KLHL3: variants seen among roughly 807,000 people sequenced by gnomAD.
KLHL3 encodes kelch-like protein 3.
KLHL3 carries 19 observed loss-of-function variants against 70.5 expected under a neutral mutation model. That is an observed-to-expected ratio of 0.27 (90% CI 0.19 to 0.40). The LOEUF is 0.40. Among genes scored for constraint, KLHL3 ranks in the 10% least tolerant of loss-of-function variants. KLHL3 has a pLI of 1.00. For missense variants in KLHL3, 512 were observed against 771.1 expected (o/e 0.66, Z 3.98); for synonymous variants, 258 against 290.3 (o/e 0.89, Z 1.13).
chr5:137,700,197 T>C (rs1342124290), intron 3 of KLHL3, among the ~76,000 whole-genome samples: 2 of 152,350 alleles, frequency 1.3e-5, no homozygotes, highest in Non-Finnish European at 2.9e-5. Context: ...ATCTCTCTCT[T>C]GAGTTTATTG....
intron 8 of KLHL3, among the ~76,000 whole-genome samples, chr5:137,646,163 G>A (rs146956472): frequency 8.4e-4 from 128 of 152,094 alleles, no homozygotes; most frequent in African/African-American, 2.9e-3. Flanking sequence ...ATATATGAAT[G>A]ACCAACAAGT....
chr5:137,713,715 G>C (rs1468872905), intron 2 of KLHL3, among the ~76,000 whole-genome samples: 1 of 152,120 alleles, frequency 6.6e-6, no homozygotes, highest in Non-Finnish European at 1.5e-5. Flanking sequence ...GTGCTTCAAA[G>C]GATGCCATCA....
intron 11 of KLHL3, 116 bp from the exon 12 acceptor site, chr5:137,634,281 T>C: frequency 8.5e-7 from 1 of 1,180,818 alleles, no homozygotes; most frequent in African/African-American, 1.5e-5. Flanking sequence ...TTCTGTTCCC[T>C]CTTTCTCCAG....
rs572105963 is a variant in KLHL3, at chr5:137,641,395, T to A, written c.904-1418A>T. 5.9e-5 allele frequency among the ~76,000 whole-genome samples: 9 copies of A among 152,346 alleles called. No homozygotes were observed. In the East Asian group the frequency reaches 1.7e-3, roughly 29 times the overall value. Reference sequence around the variant, plus strand: ...TGGATCTGGAGTGGAGCCCAGAGGCTGCCTTTCTAACAAGTTCCCAGGTGC... The same window carrying A: ...TGGATCTGGAGTGGAGCCCAGAGGCAGCCTTTCTAACAAGTTCCCAGGTGC... On this transcript the variant is annotated intron_variant, in intron 8 of 14. Transcript: ENST00000309755.
Position 137,714,405 on chromosome 5 carries a change from A to G in KLHL3, c.135-4549T>C, listed in dbSNP as rs144803777. Among the ~76,000 whole-genome samples the G allele has an allele frequency of 6.2e-3, 946 of 152,334 alleles. 7 individuals are homozygous for G. The highest frequency in any genetic ancestry group is 0.02 in the Middle Eastern group (6 of 294). ...GAATGTTCATAGCAACATTATTTAT[A>G]ATAGCCAGAAGTCAAATGTGGTATA... On this transcript the variant is annotated intron_variant, in intron 2 of 14. Coordinates refer to ENST00000309755, the MANE Select transcript of KLHL3 (RefSeq NM_017415.3).
intron 3 of KLHL3, chr5:137,707,507 T>C (rs948894319): frequency 6.5e-6 from 1 of 153,414 alleles, no homozygotes; most frequent in Non-Finnish European, 1.5e-5. Context: ...ATGTATACAT[T>C]TATAAATATA....
chr5:137,637,245 GGCCCGTGGGCC>G, intron 11 of KLHL3, 38 bp downstream of exon 11: 1 of 1,490,504 alleles, frequency 6.7e-7, no homozygotes, highest in Non-Finnish European at 9.4e-7. Flanking sequence ...CCCAGGACAA[GGCCCGTGGGCC>G]AGGTAGGCCT....
chr5:137,625,606 T>C (rs1221966028), intron 14 of KLHL3, 147 bp downstream of exon 14: 6 of 764,882 alleles, frequency 7.8e-6, no homozygotes, highest in Non-Finnish European at 1.3e-5. Flanking sequence ...GTGGTGGCCA[T>C]GTAACAATTA....
At chr5:137,653,465 A>G (rs1210235344) in intron 8 of KLHL3, among the ~76,000 whole-genome samples, 1 of 152,344 alleles carries the variant, frequency 6.6e-6, no homozygotes, top group East Asian at 1.9e-4. Flanking sequence ...ACACTTCACC[A>G]AAGAAGAAAT....
intron 8 of KLHL3, among the ~76,000 whole-genome samples, chr5:137,651,516 A>T (rs1324924100): frequency 6.6e-6 from 1 of 152,254 alleles, no homozygotes; most frequent in Non-Finnish European, 1.5e-5. Context: ...AACAAAAGAC[A>T]TGTAAGACCC....
chr5:137,717,145 C>A (rs1337942189), intron 2 of KLHL3, among the ~76,000 whole-genome samples: 1 of 152,166 alleles, frequency 6.6e-6, no homozygotes, highest in Non-Finnish European at 1.5e-5. Flanking sequence ...TTGGTGAGAC[C>A]CCTATGGCCA....
chr5:137,630,297 A>G (rs2149879256), intron 12 of KLHL3, among the ~76,000 whole-genome samples: 1 of 152,256 alleles, frequency 6.6e-6, no homozygotes, highest in African/African-American at 2.4e-5. Flanking sequence ...TAGAGGTGTC[A>G]CCCTCCAGGT....
chr5:137,637,464 G>A, intron 10 of KLHL3, 69 bp from the exon 11 acceptor site: 1 of 1,358,554 alleles, frequency 7.4e-7, no homozygotes, highest in Non-Finnish European at 1.0e-6. Context: ...GAAGCAGTGA[G>A]GATGGGGGAG....
intron 2 of KLHL3, among the ~76,000 whole-genome samples, chr5:137,712,828 C>T (rs1752820075): frequency 6.6e-6 from 1 of 152,098 alleles, no homozygotes; most frequent in Non-Finnish European, 1.5e-5. Flanking sequence ...TACACAACGT[C>T]CCCAGAGTGT....
intron 2 of KLHL3, 70 bp downstream of exon 2, chr5:137,720,395 G>T: frequency 6.3e-7 from 1 of 1,589,036 alleles, no homozygotes; most frequent in Non-Finnish European, 8.6e-7. Context: ...TCTGACTTCT[G>T]TTCTCAGTCC....
chr5:137,622,137 A>T lies in KLHL3; in HGVS notation c.1736-11T>A. 1 of 1,614,194 alleles carries T rather than the reference A, an allele frequency of 6.2e-7. No homozygotes were observed. The highest frequency in any genetic ancestry group is 8.5e-7 in the Non-Finnish European group (1 of 1,180,004). On this transcript the variant is annotated splice_polypyrimidine_tract_variant and intron_variant, in intron 14 of 14. Transcript: ENST00000309755. ...GAATCACGGCAACACCTAATAAGAA[A>T]GGGGGAGAAAGTTATCATCTTAGCT... is the stretch of plus-strand genomic sequence containing the variant.
chr5:137,730,618 T>A (rs1482145998), intron 1 of KLHL3, among the ~76,000 whole-genome samples: 1 of 152,148 alleles, frequency 6.6e-6, no homozygotes, highest in Non-Finnish European at 1.5e-5. Flanking sequence ...TCTTTAAAAC[T>A]CAAGGGGAAA....
At chr5:137,648,494 C>T (rs776554677) in intron 8 of KLHL3, among the ~76,000 whole-genome samples, 1 of 152,216 alleles carries the variant, frequency 6.6e-6, no homozygotes, top group Non-Finnish European at 1.5e-5. Context: ...TTCCTTGCTG[C>T]CATCTGTGGA....
intron 8 of KLHL3, chr5:137,647,455 T>G (rs190522033): frequency 2.2e-6 from 1 of 459,876 alleles, no homozygotes; most frequent in Admixed American, 2.4e-5. Context: ...CATAGGTCAT[T>G]CAAATTTCTA....
Sources: allele counts gnomAD v4.1 joint callset (sites outside exome capture counted in the v4.1 genomes callset), GRCh38; gene constraint gnomAD v4.1.1; transcripts MANE v1.5; gene names NCBI Gene and HGNC (gene_info 2026-07-23, HGNC 2026-07-21).